Variants in IFT80 observed in about 807,000 individuals in gnomAD.
IFT80 encodes intraflagellar transport 80.
In IFT80, 79 loss-of-function variants were observed where a neutral mutation model predicts 107.9. The observed-to-expected ratio is 0.73, with a 90% CI of 0.61 to 0.88. The LOEUF (loss-of-function observed/expected upper bound fraction) is 0.88. Ranked by LOEUF, IFT80 falls within the 40% of genes least tolerant of loss-of-function variation. IFT80 has a pLI of 0.00. For missense variants in IFT80, 797 were observed against 914.2 expected (o/e 0.87, Z 1.65); for synonymous variants, 299 against 300.9 (o/e 0.99, Z 0.07).
intron 9 of IFT80, among the ~76,000 whole-genome samples, chr3:160,308,496 G>T (rs993664180): frequency 2.0e-5 from 3 of 152,110 alleles, no homozygotes; most frequent in African/African-American, 7.2e-5. Flanking sequence ...TAAGAAAAAT[G>T]TTGAGCAAGT....
At chr3:160,290,631 A>G (rs536756993) in intron 12 of IFT80, among the ~76,000 whole-genome samples, 8 of 152,156 alleles carry the variant, frequency 5.3e-5, no homozygotes, top group African/African-American at 1.9e-4. Flanking sequence ...ACCAGGCTGG[A>G]GTGCAGTGGT....
intron 1 of IFT80, among the ~76,000 whole-genome samples, chr3:160,387,791 C>G (rs577643053): frequency 6.6e-6 from 1 of 152,202 alleles, no homozygotes; most frequent in South Asian, 2.1e-4. Flanking sequence ...AGATCATATT[C>G]AAAGCCATGG....
chr3:160,274,169 A>G (rs1390815419), intron 18 of IFT80, among the ~76,000 whole-genome samples: 1 of 152,188 alleles, frequency 6.6e-6, no homozygotes, highest in Admixed American at 6.5e-5. Context: ...AGATTTTATA[A>G]GATAGGGAAG....
intron 8 of IFT80, among the ~76,000 whole-genome samples, chr3:160,321,584 T>C (rs1250892016): frequency 6.6e-6 from 1 of 152,026 alleles, no homozygotes; most frequent in Admixed American, 6.6e-5. Flanking sequence ...TTTCTATATA[T>C]ACATACCTAT....
chr3:160,331,486 T>C (rs551681341), intron 8 of IFT80, among the ~76,000 whole-genome samples: 1 of 152,288 alleles, frequency 6.6e-6, no homozygotes, highest in East Asian at 1.9e-4. Context: ...AACTACTATA[T>C]ATCACTAAAA....
Position 160,380,927 on chromosome 3 carries a change from C to G in IFT80, c.259+576G>C, listed in dbSNP as rs143035833. On this transcript the variant is annotated intron_variant, in intron 3 of 19. Transcript: ENST00000326448. Reference sequence around the variant, plus strand: ...ACTATGATAACAGCTTAACTCAACTCATAAGAGTACTAAAAAAGTAAAGCC... The same window carrying G: ...ACTATGATAACAGCTTAACTCAACTGATAAGAGTACTAAAAAAGTAAAGCC... Among the ~76,000 whole-genome samples the G allele has an allele frequency of 3.3e-3, 496 of 151,978 alleles. 2 individuals carry two copies. Among genetic ancestry groups the G allele is most frequent in the African/African-American group, 0.01 (430 of 41,458 alleles).
chr3:160,312,098 A>G (rs1243928432), intron 9 of IFT80, among the ~76,000 whole-genome samples: 1 of 152,088 alleles, frequency 6.6e-6, no homozygotes, highest in African/African-American at 2.4e-5. Flanking sequence ...AGCTGTTGTT[A>G]ATTAGAACAA....
chr3:160,319,127 T>C (rs1718024344), intron 9 of IFT80, among the ~76,000 whole-genome samples: 1 of 152,064 alleles, frequency 6.6e-6, no homozygotes, highest in Non-Finnish European at 1.5e-5. Context: ...GGTCTACATT[T>C]CCTCAGGAAG....
intron 10 of IFT80, 31 bp downstream of exon 10, chr3:160,307,630 ACT>A: frequency 8.7e-7 from 1 of 1,145,250 alleles, no homozygotes. Flanking sequence ...GACAGACAAA[ACT>A]CTGAAATTTT....
At chr3:160,338,445 C>T (rs1047939562) in intron 8 of IFT80, among the ~76,000 whole-genome samples, 3 of 152,100 alleles carry the variant, frequency 2.0e-5, no homozygotes, top group Non-Finnish European at 4.4e-5. Flanking sequence ...CCAGCCTGGG[C>T]AACATAGTGA....
chr3:160,365,461 C>T (rs1236324089), intron 6 of IFT80, among the ~76,000 whole-genome samples: 1 of 152,086 alleles, frequency 6.6e-6, no homozygotes, highest in Non-Finnish European at 1.5e-5. Context: ...ATCTCTTACT[C>T]AAGACCTAGT....
At position 160,303,937 on chromosome 3, in the gene IFT80, T is replaced by C. The variant is rs912304222; in HGVS notation, c.1129A>G (p.Ser377Gly). Residue 377 changes from serine (S) to glycine (G), a missense_variant, in exon 11 of 20, where the codon AGT (serine) becomes GGT (glycine). By Grantham distance (56) the Ser-to-Gly change is moderately conservative. Transcript: ENST00000326448. ...IIFDLKEGTV[S>G]LILQAERHFL... ...TACCTTTCTGCCTGCAGAATCAAAC[T>C]AACAGTTCCTTCTTTGAGATCAAAT... is the stretch of plus-strand genomic sequence containing the variant. The C allele has an allele frequency of 6.2e-7, 1 of 1,610,906 alleles. No individual in the cohort carries two copies. Among genetic ancestry groups the C allele is most frequent in the Non-Finnish European group, 8.5e-7 (1 of 1,177,328 alleles).
At chr3:160,373,966 G>C (rs779669672) in intron 5 of IFT80, among the ~76,000 whole-genome samples, 14 of 152,144 alleles carry the variant, frequency 9.2e-5, no homozygotes, top group Non-Finnish European at 1.6e-4. Context: ...AAGGGTTGGG[G>C]ACCCCTGACA....
intron 6 of IFT80, among the ~76,000 whole-genome samples, chr3:160,364,221 A>G (rs1302350722): frequency 6.6e-6 from 1 of 152,258 alleles, no homozygotes; most frequent in Non-Finnish European, 1.5e-5. Flanking sequence ...TCAAAAGAAG[A>G]CATTTATGCA....
Position 160,323,249 on chromosome 3 carries a change from A to C in IFT80, c.778-3310T>G, listed in dbSNP as rs1353948529. Among the ~76,000 whole-genome samples the C allele has an allele frequency of 1.0e-4, 15 of 149,802 alleles. No homozygotes were observed. The South Asian group carries it at 3.0e-3, about 30-fold the overall frequency. On this transcript the variant is annotated intron_variant, in intron 8 of 19. Coordinates refer to ENST00000326448, the MANE Select transcript of IFT80 (RefSeq NM_020800.3). ...GGAAGGGATCCAGTTTCAGCTTTCT[A>C]CATATGGCTAGCCAGTTTTCCCAGC...
chr3:160,318,436 TAA>T (rs1374929335), intron 9 of IFT80, among the ~76,000 whole-genome samples: 5 of 152,050 alleles, frequency 3.3e-5, no homozygotes, highest in Admixed American at 2.6e-4. Flanking sequence ...GCAAAAGGAA[TAA>T]GAGGAAGGTC....
chr3:160,272,458 G>T (rs940233202), intron 18 of IFT80, among the ~76,000 whole-genome samples: 3 of 152,144 alleles, frequency 2.0e-5, no homozygotes, highest in African/African-American at 7.2e-5. Context: ...TTGTCGAAGT[G>T]AATGATGGGT....
At chr3:160,343,312 C>A (rs577870518) in intron 8 of IFT80, among the ~76,000 whole-genome samples, 29 of 152,048 alleles carry the variant, frequency 1.9e-4, no homozygotes, top group Non-Finnish European at 4.1e-4. Flanking sequence ...ATGAGAATCA[C>A]AAAAAAGTTA....
chr3:160,289,404 C>CA (rs1383706810), intron 12 of IFT80, among the ~76,000 whole-genome samples: 2 of 152,128 alleles, frequency 1.3e-5, no homozygotes, highest in African/African-American at 4.8e-5. Flanking sequence ...ACCCCTATGA[C>CA]ACAAGTTTAC....
Sources: gnomAD v4.1 joint callset for allele counts (sites outside exome capture counted in the v4.1 genomes callset) on GRCh38, gnomAD v4.1.1 for gene constraint, MANE v1.5 for transcripts, NCBI Gene and HGNC (gene_info 2026-07-23, HGNC 2026-07-21) for gene names.